APAF1: variants seen among roughly 807,000 people sequenced by gnomAD.
APAF1 encodes the protein apoptotic peptidase activating factor 1, also known as apoptotic protease-activating factor 1.
Under a neutral mutation model 152.4 loss-of-function variants are expected in APAF1, and 91 were observed. The ratio of observed to expected loss-of-function variants is 0.60; its 90% CI spans 0.50 to 0.71. The LOEUF is 0.71. Ranked by LOEUF, APAF1 falls within the 30% of genes least tolerant of loss-of-function variation. APAF1 has a pLI of 0.00. For synonymous variants in APAF1, 484 were observed against 494.1 expected (o/e 0.98, Z 0.27); for missense variants, 1,283 against 1,472.0 (o/e 0.87, Z 2.10).
intron 17 of APAF1, among the ~76,000 whole-genome samples, chr12:98,701,660 A>G (rs1384962646): frequency 6.6e-6 from 1 of 152,244 alleles, no homozygotes; most frequent in Non-Finnish European, 1.5e-5. Flanking sequence ...TGAGAGGAAG[A>G]TAATTTTATA....
At chr12:98,667,386 G>A in intron 9 of APAF1, 127 bp from the exon 10 acceptor site, 5 of 1,129,222 alleles carry the variant, frequency 4.4e-6, no homozygotes, top group Non-Finnish European at 6.6e-6. Flanking sequence ...AAAGTGCTGG[G>A]ATTACAGGCG....
In APAF1 at chr12:98,683,332, C is replaced by T. The variant is rs895662229; in HGVS notation, c.2178+58C>T. On this transcript the variant is annotated intron_variant, in intron 15 of 26. Coordinates refer to ENST00000551964, the MANE Select transcript of APAF1 (RefSeq NM_181861.2). ...ATTTGATTCGTACATCAGAGTATCT[C>T]CTTTGATTTTCTTATGTATACTACT... 9.1e-6 allele frequency: 14 copies of T among 1,546,338 alleles called. No individual in the cohort carries two copies. In the African/African-American group the frequency reaches 1.4e-4, roughly 15 times the overall value.
In APAF1 at chr12:98,680,411, A is replaced by G. The variant is rs200811395; in HGVS notation, c.2046+9A>G. 6.6e-5 allele frequency: 107 copies of G among 1,612,382 alleles called. 1 individual carries two copies. In the African/African-American group the frequency reaches 1.3e-3, roughly 20 times the overall value. ...TGGATAAAAAAGTGAAGGTAGGAAA[A>G]TCTTTTCCTCTTGAGTTGTAATCAC... On this transcript the variant is annotated intron_variant, in intron 14 of 26. Transcript: ENST00000551964.
chr12:98,671,638 C>T lies in APAF1; in HGVS notation c.1712C>T (p.Pro571Leu), dbSNP rs752612461. 42 of 1,613,694 alleles carry T rather than the reference C, an allele frequency of 2.6e-5. No individual in the cohort carries two copies. The highest frequency in any genetic ancestry group is 1.8e-4 in the East Asian group (8 of 44,864). ...PNIVQLGLCEPETSEVYQQAK... is the reference protein window; with the variant it reads ...PNIVQLGLCELETSEVYQQAK... Reference sequence around the variant, plus strand: ...ATTGTACAACTGGGTCTCTGTGAGCCGGAAACTTCAGAAGTTTATCAGCAA... The same window carrying T: ...ATTGTACAACTGGGTCTCTGTGAGCTGGAAACTTCAGAAGTTTATCAGCAA... The change falls in exon 12 of 27, where the codon CCG becomes CTG. Residue 571 changes from proline to leucine, a missense_variant. Transcript: ENST00000551964.
At chr12:98,662,645 C>T in intron 6 of APAF1, 30 bp from the exon 7 acceptor site, 1 of 1,612,048 alleles carries the variant, frequency 6.2e-7, no homozygotes, top group Non-Finnish European at 8.5e-7. Flanking sequence ...TACCAAATTA[C>T]TTACTTTGTC....
intron 26 of APAF1, among the ~76,000 whole-genome samples, chr12:98,731,151 T>C (rs1165023289): frequency 6.6e-6 from 1 of 152,234 alleles, no homozygotes; most frequent in Non-Finnish European, 1.5e-5. Context: ...GTTTAACTTC[T>C]GTGCCTTGAT....
intron 12 of APAF1, 87 bp from the exon 13 acceptor site, chr12:98,677,338 A>T: frequency 7.2e-7 from 1 of 1,396,210 alleles, no homozygotes; most frequent in Non-Finnish European, 1.0e-6. Flanking sequence ...TAACCATGTT[A>T]AAAGACAGTT....
chr12:98,689,435 TGAGAGAGAGAGAGAGA>T (rs10562439), intron 16 of APAF1, among the ~76,000 whole-genome samples: 1 of 147,334 alleles, frequency 6.8e-6, no homozygotes, highest in Non-Finnish European at 1.5e-5. Flanking sequence ...TGTGTGAGGG[TGAGAGAGAGAGAGAGA>T]GAGAGAGAGA....
Position 98,716,063 on chromosome 12 carries a change from C to G in APAF1, c.3084+511C>G, listed in dbSNP as rs376465399. Among the ~76,000 whole-genome samples, 91 of 152,302 alleles carry G rather than the reference C, an allele frequency of 6.0e-4. 1 individual carries two copies. Among genetic ancestry groups the G allele is most frequent in the African/African-American group, 1.7e-3 (71 of 41,570 alleles). ...GATTATTAAAGTCCCAATGCACATT[C>G]TTTTAAAATTCAAATAGTATTACAA... is the stretch of plus-strand genomic sequence containing the variant. On this transcript the variant is annotated intron_variant, in intron 22 of 26. Transcript: ENST00000551964.
At chr12:98,674,512 C>T (rs141273503) in intron 12 of APAF1, among the ~76,000 whole-genome samples, 5 of 152,136 alleles carry the variant, frequency 3.3e-5, no homozygotes, top group African/African-American at 7.2e-5. Context: ...TGTCTGTATT[C>T]GAGAGAACTG....
intron 12 of APAF1, among the ~76,000 whole-genome samples, chr12:98,673,402 C>T (rs2097682699): frequency 6.7e-6 from 1 of 149,658 alleles, no homozygotes; most frequent in Admixed American, 6.7e-5. Context: ...TGCCACTGCA[C>T]TCCAGCCTGG....
chr12:98,705,060 T>C (rs1301332483), intron 18 of APAF1, among the ~76,000 whole-genome samples: 1 of 152,070 alleles, frequency 6.6e-6, no homozygotes, highest in East Asian at 1.9e-4. Context: ...CTGGGGTTTA[T>C]TGGGTTTTAG....
chr12:98,730,033 A>T (rs1283141033), intron 26 of APAF1, among the ~76,000 whole-genome samples: 1 of 152,226 alleles, frequency 6.6e-6, no homozygotes, highest in Non-Finnish European at 1.5e-5. Flanking sequence ...TATCCCAATT[A>T]TCCTAATTTG....
intron 16 of APAF1, among the ~76,000 whole-genome samples, chr12:98,694,606 T>C (rs549863618): frequency 2.6e-5 from 4 of 152,260 alleles, no homozygotes; most frequent in African/African-American, 4.8e-5. Flanking sequence ...TTAAATATTA[T>C]TCTGTTCTTG....
chr12:98,703,119 A>G (rs1229473689), intron 17 of APAF1, among the ~76,000 whole-genome samples: 1 of 152,092 alleles, frequency 6.6e-6, no homozygotes, highest in Non-Finnish European at 1.5e-5. Context: ...CAAAGCTTTT[A>G]TTTCTCTTTA....
At chr12:98,672,397 T>G (rs2097681367) in intron 12 of APAF1, among the ~76,000 whole-genome samples, 1 of 152,130 alleles carries the variant, frequency 6.6e-6, no homozygotes, top group Admixed American at 6.5e-5. Flanking sequence ...ACTCCTGATT[T>G]CAAGTGAGCT....
intron 26 of APAF1, among the ~76,000 whole-genome samples, chr12:98,727,974 T>A (rs71462249): frequency 0.067 from 9,551 of 141,670 alleles, 653 homozygotes; most frequent in African/African-American, 0.18. Flanking sequence ...ATAAATTAAT[T>A]AATTAATTAA....
chr12:98,659,454 A>G, intron 5 of APAF1, 111 bp downstream of exon 5: 1 of 1,213,688 alleles, frequency 8.2e-7, no homozygotes, highest in Admixed American at 1.8e-5. Flanking sequence ...TAGGGAGGAT[A>G]AGAGAGAACC....
chr12:98,728,697 T>G (rs1362547574), intron 26 of APAF1, among the ~76,000 whole-genome samples: 1 of 152,164 alleles, frequency 6.6e-6, no homozygotes, highest in Non-Finnish European at 1.5e-5. Flanking sequence ...TACTCCAGCC[T>G]GGGCAACAGA....
Sources: gnomAD v4.1 joint callset for allele counts (sites outside exome capture counted in the v4.1 genomes callset) on GRCh38, gnomAD v4.1.1 for gene constraint, MANE v1.5 for transcripts, NCBI Gene and HGNC (gene_info 2026-07-23, HGNC 2026-07-21) for gene names.